The following TXLNB variants were observed in gnomAD, a reference collection of about 807,000 sequenced individuals.
TXLNB encodes the protein beta-taxilin.
Under a neutral mutation model 57.4 loss-of-function variants are expected in TXLNB, and 37 were observed. That is an observed-to-expected ratio of 0.64 (90% CI 0.50 to 0.85). The LOEUF (loss-of-function observed/expected upper bound fraction) is 0.85, where lower values mean the gene tolerates loss of function less well. Ranked by LOEUF, TXLNB falls within the 40% of genes least tolerant of loss-of-function variation. The probability of loss-of-function intolerance (pLI) is 0.00; values close to 1 mark genes in which losing one functional copy is unlikely to be tolerated. For synonymous variants in TXLNB, 302 were observed against 309.6 expected (o/e 0.98, Z 0.26); for missense variants, 848 against 825.6 (o/e 1.03, Z -0.33).
rs779356961 is a variant in TXLNB at position 139,243,094 on chromosome 6, A to G, written c.1487T>C (p.Val496Ala). The change falls in exon 10 of 10, where the codon GTC (valine) becomes GCC (alanine). Residue 496 changes from valine to alanine, a missense_variant. Val to Ala is a moderately conservative substitution (Grantham distance 64). Transcript: ENST00000358430. ...GGCCAGATTTTTCACGGCGGTTTGG[A>G]CACTATTAACCTCCTCTGCGTCAAT... ...QEIDAEEVNSVQTAVKNLATA... is the reference protein window; with the variant it reads ...QEIDAEEVNSAQTAVKNLATA... The G allele has an allele frequency of 1.2e-6, 2 of 1,613,988 alleles. No individual in the cohort carries two copies. The highest frequency in any genetic ancestry group is 2.2e-5 in the South Asian group (2 of 91,072).
the TXLNB span, chr6:139,179,022 ATT>A: frequency 6.6e-6 from 1 of 152,210 alleles, no homozygotes; most frequent in Non-Finnish European, 1.5e-5. Context: ...CTGAAAAAAC[ATT>A]TCAGTGGGAA....
the TXLNB span, among the ~76,000 whole-genome samples, chr6:139,189,040 A>G: frequency 1.6e-4 from 24 of 152,190 alleles, no homozygotes; most frequent in Non-Finnish European, 2.4e-4. Flanking sequence ...TACAGGCGTG[A>G]GCCACCATGC....
At chr6:139,312,024 G>T in the TXLNB span, among the ~76,000 whole-genome samples, 1 of 152,134 alleles carries the variant, frequency 6.6e-6, no homozygotes, top group African/African-American at 2.4e-5. Context: ...CTAATACCAT[G>T]TCACTGGGGC....
intron 2 of TXLNB, among the ~76,000 whole-genome samples, chr6:139,282,095 C>T (rs898354504): frequency 3.2e-3 from 480 of 149,220 alleles, no homozygotes; most frequent in African/African-American, 0.012. Flanking sequence ...TTTGTCTCTG[C>T]TTATTCCTCT....
chr6:139,239,098 C>T (rs1775869533), downstream of TXLNB: 1 of 152,250 alleles, frequency 6.6e-6, no homozygotes, highest in African/African-American at 2.4e-5. The surrounding 1 kb of genome is among the most constrained non-coding windows in gnomAD (Gnocchi z 4.7). Flanking sequence ...TTTCTCCCTT[C>T]TTAGCTCACA....
At chr6:139,162,359 T>C in the TXLNB span, among the ~76,000 whole-genome samples, 2 of 152,148 alleles carry the variant, frequency 1.3e-5, no homozygotes, top group African/African-American at 2.4e-5. Context: ...GTGTATAGTT[T>C]TTTTCATTTC....
intron 6 of TXLNB, among the ~76,000 whole-genome samples, chr6:139,258,972 C>A (rs187751602): frequency 1.2e-4 from 18 of 152,292 alleles, no homozygotes; most frequent in African/African-American, 4.1e-4. Context: ...TCAATAAACA[C>A]CACCACTCAG....
chr6:139,196,368 T>TG, the TXLNB span, among the ~76,000 whole-genome samples: 54 of 30,888 alleles, frequency 1.7e-3, 2 homozygotes, highest in African/African-American at 6.1e-3. Context: ...AGATCTGGTT[T>TG]TTTTTTTTTT....
chr6:139,247,192 G>C (rs1304229156), intron 8 of TXLNB, among the ~76,000 whole-genome samples: 2 of 152,264 alleles, frequency 1.3e-5, no homozygotes, highest in Middle Eastern at 3.4e-3. Flanking sequence ...GCCCAGGCTA[G>C]AGTGCAGTGG....
At chr6:139,163,502 C>T in the TXLNB span, among the ~76,000 whole-genome samples, 14 of 151,956 alleles carry the variant, frequency 9.2e-5, no homozygotes, top group South Asian at 6.2e-4. Flanking sequence ...TACAGGTGTG[C>T]GCCACTACAC....
At chr6:139,189,103 G>A in the TXLNB span, among the ~76,000 whole-genome samples, 1 of 152,148 alleles carries the variant, frequency 6.6e-6, no homozygotes, top group Non-Finnish European at 1.5e-5. Flanking sequence ...TATAACCTGT[G>A]GTTCTTTGGA....
At chr6:139,277,417 T>C (rs944518477) in intron 2 of TXLNB, among the ~76,000 whole-genome samples, 3 of 152,206 alleles carry the variant, frequency 2.0e-5, no homozygotes, top group Non-Finnish European at 2.9e-5. Context: ...TGCCCGTTTT[T>C]TCCCCTGTGT....
chr6:139,166,081 A>G, the TXLNB span: 3 of 507,342 alleles, frequency 5.9e-6, no homozygotes, highest in Non-Finnish European at 3.5e-6. Flanking sequence ...TCCTTTTTAG[A>G]GATTCCACCA....
intron 3 of TXLNB, among the ~76,000 whole-genome samples, chr6:139,276,232 C>T (rs376698693): frequency 1.3e-5 from 2 of 152,314 alleles, no homozygotes; most frequent in South Asian, 2.1e-4. Flanking sequence ...AGGCAACTGA[C>T]TAACTTTAAT....
intron 2 of TXLNB, among the ~76,000 whole-genome samples, chr6:139,281,508 TCTCA>T (rs1055140649): frequency 4.6e-5 from 6 of 131,530 alleles, no homozygotes; most frequent in Non-Finnish European, 7.7e-5. Context: ...AACTTTGGCC[TCTCA>T]CTCAGTAGGA....
the TXLNB span, among the ~76,000 whole-genome samples, chr6:139,164,413 A>G: frequency 6.6e-6 from 1 of 152,104 alleles, no homozygotes; most frequent in South Asian, 2.1e-4. Context: ...GGCTACAGAT[A>G]CTGAGTGCTC....
the TXLNB span, among the ~76,000 whole-genome samples, chr6:139,212,084 T>C: frequency 3.3e-5 from 5 of 152,076 alleles, no homozygotes; most frequent in African/African-American, 1.2e-4. Flanking sequence ...ACTTCCCCAA[T>C]CTAGCAAGGC....
chr6:139,165,381 C>A, the TXLNB span, among the ~76,000 whole-genome samples: 1 of 152,140 alleles, frequency 6.6e-6, no homozygotes, highest in African/African-American at 2.4e-5. Flanking sequence ...ACATATGTTA[C>A]AATTGATGAA....
At chr6:139,187,377 A>G in the TXLNB span, among the ~76,000 whole-genome samples, 1 of 152,026 alleles carries the variant, frequency 6.6e-6, no homozygotes, top group Non-Finnish European at 1.5e-5. Context: ...GAGAAATACT[A>G]TAAATATAGA....
Sources: allele counts gnomAD v4.1 joint callset (sites outside exome capture counted in the v4.1 genomes callset), GRCh38; gene constraint gnomAD v4.1.1; non-coding constraint Gnocchi (gnomAD v3.1); transcripts MANE v1.5; gene names NCBI Gene and HGNC (gene_info 2026-07-23, HGNC 2026-07-21).